Variants in COL24A1 observed in about 807,000 individuals in gnomAD.
COL24A1 encodes collagen type XXIV alpha 1 chain, also known as collagen alpha-1(XXIV) chain.
In COL24A1, 224 loss-of-function variants were observed where a neutral mutation model predicts 253.9. That is an observed-to-expected ratio of 0.88 (90% CI 0.79 to 0.99). The LOEUF (loss-of-function observed/expected upper bound fraction) is 0.99, where lower values mean the gene tolerates loss of function less well. COL24A1 is among the 50% of genes least tolerant of loss of function. The probability of loss-of-function intolerance (pLI) is 0.00; values close to 1 mark genes in which losing one functional copy is unlikely to be tolerated. For synonymous variants in COL24A1, 685 were observed against 673.7 expected (o/e 1.02, Z -0.26); for missense variants, 2,131 against 2,068.5 (o/e 1.03, Z -0.59).
chr1:86,153,334 T>C (rs1039540786), intron 1 of COL24A1, among the ~76,000 whole-genome samples: 2 of 152,228 alleles, frequency 1.3e-5, no homozygotes, highest in South Asian at 4.1e-4. Context: ...TGTGGATCTG[T>C]CATACTCAAT....
Position 85,889,563 on chromosome 1 carries a change from C to T in COL24A1, c.2973G>A (p.Glu991=). ...AAAAGTATAAAGATAAACTTACTGGCTCTCCTGGAAGTCCTCTGTCACCTG... is the reference window on the plus strand; with the variant it reads ...AAAAGTATAAAGATAAACTTACTGGTTCTCCTGGAAGTCCTCTGTCACCTG... ...GSTGDRGLPG[E]PGLRGLQGDV... is the part of the protein sequence containing the mutation. The change falls in exon 32 of 60, where the codon GAG becomes GAA. Residue 991 remains glutamate (E), a synonymous_variant. Transcript: ENST00000370571. 1 of 1,612,212 alleles carries T rather than the reference C, an allele frequency of 6.2e-7. No individual in the cohort carries two copies. The highest frequency in any genetic ancestry group is 1.7e-5 in the Admixed American group (1 of 59,866).
intron 6 of COL24A1, among the ~76,000 whole-genome samples, chr1:86,091,141 T>G (rs950780822): frequency 3.9e-5 from 6 of 152,116 alleles, no homozygotes; most frequent in Non-Finnish European, 7.4e-5. Flanking sequence ...ATACTATGTT[T>G]ATAGTAATAA....
At chr1:85,767,854 G>A (rs906450102) in intron 53 of COL24A1, among the ~76,000 whole-genome samples, 4 of 152,076 alleles carry the variant, frequency 2.6e-5, no homozygotes, top group Admixed American at 1.3e-4. Flanking sequence ...TAATTTTAGG[G>A]CATATTATTC....
At chr1:85,825,461 A>G (rs1328449851) in intron 43 of COL24A1, among the ~76,000 whole-genome samples, 1 of 152,196 alleles carries the variant, frequency 6.6e-6, no homozygotes, top group Admixed American at 6.5e-5. Flanking sequence ...GCTGGGTCAA[A>G]TGATATTTGT....
intron 47 of COL24A1, among the ~76,000 whole-genome samples, chr1:85,792,478 C>A: frequency 6.8e-6 from 1 of 146,778 alleles, no homozygotes; most frequent in African/African-American, 2.5e-5. Context: ...TACTTGAGCC[C>A]AGGAGTTTGA....
At chr1:85,929,731 A>G (rs1346242251) in intron 24 of COL24A1, among the ~76,000 whole-genome samples, 1 of 141,572 alleles carries the variant, frequency 7.1e-6, no homozygotes, top group Non-Finnish European at 1.5e-5. Flanking sequence ...ATAACAAACT[A>G]TCTCTCAGAC....
intron 37 of COL24A1, among the ~76,000 whole-genome samples, chr1:85,860,262 A>G (rs938256047): frequency 1.3e-5 from 2 of 152,196 alleles, no homozygotes; most frequent in African/African-American, 4.8e-5. Flanking sequence ...GATGATTTTT[A>G]GTATATTCAC....
chr1:86,125,213 C>A lies in COL24A1; in HGVS notation c.1123G>T (p.Asp375Tyr). Residue 375 changes from aspartate (D) to tyrosine (Y), a missense_variant, in exon 3 of 60, where the codon GAC becomes TAC. Physicochemically the swap from Asp to Tyr is radical, Grantham distance 160. Coordinates refer to ENST00000370571, the MANE Select transcript of COL24A1 (RefSeq NM_152890.7). Reference sequence around the variant, plus strand: ...CTATCATCATGTTGTGTGATATTGTCAGACATGTTTAGGAGAGAGCTAAAT... The same window carrying A: ...CTATCATCATGTTGTGTGATATTGTAAGACATGTTTAGGAGAGAGCTAAAT... ...EKFSSLLNMS[D>Y]NITQHDDRVT... The A allele has an allele frequency of 6.2e-7, 1 of 1,613,524 alleles. No individual in the cohort carries two copies. The highest frequency in any genetic ancestry group is 1.1e-5 in the South Asian group (1 of 91,044).
chr1:86,118,066 CTT>C (rs35013223), intron 3 of COL24A1, among the ~76,000 whole-genome samples: 1 of 146,858 alleles, frequency 6.8e-6, no homozygotes, highest in Non-Finnish European at 1.5e-5. Context: ...GTCTAATTAA[CTT>C]TTTTTTTTTT....
chr1:86,121,900 T>C (rs1172210703), intron 3 of COL24A1, among the ~76,000 whole-genome samples: 1 of 152,030 alleles, frequency 6.6e-6, no homozygotes, highest in Non-Finnish European at 1.5e-5. Flanking sequence ...CAGAACCTAA[T>C]AGGTTTAAAG....
At chr1:86,005,956 CAGCACCAACTGTATTAGTTGGTTATT>C (rs1375794767) in intron 19 of COL24A1, among the ~76,000 whole-genome samples, 10 of 152,118 alleles carry the variant, frequency 6.6e-5, no homozygotes, top group African/African-American at 1.4e-4. Context: ...AAACACAATA[CAGCACCAACTGTATTAGTTGGTTATT>C]AGCACCAACT....
intron 59 of COL24A1, 149 bp from the exon 60 acceptor site, chr1:85,730,841 A>T: frequency 1.3e-6 from 1 of 746,330 alleles, no homozygotes; most frequent in Non-Finnish European, 2.1e-6. Flanking sequence ...AAATGGTAAA[A>T]TTACTATTAT....
Position 85,937,032 on chromosome 1 carries a change from C to A in COL24A1, c.2562+24217G>T, listed in dbSNP as rs1688299930. 1.4e-5 allele frequency among the ~76,000 whole-genome samples: 2 copies of A among 147,520 alleles called. 1 individual carries two copies. The highest frequency in any genetic ancestry group is 5.0e-5 in the African/African-American group (2 of 40,208). On this transcript the variant is annotated intron_variant, in intron 24 of 59. Coordinates refer to ENST00000370571, the MANE Select transcript of COL24A1 (RefSeq NM_152890.7). ...TGAGCAACACAGAGGCACAAGCAGACTGCATAAGCAAGTTGTCCATATTCC... is the reference window on the plus strand; with the variant it reads ...TGAGCAACACAGAGGCACAAGCAGAATGCATAAGCAAGTTGTCCATATTCC...
At chr1:86,007,237 C>CCCACCA (rs901884782) in intron 19 of COL24A1, among the ~76,000 whole-genome samples, 1 of 151,208 alleles carries the variant, frequency 6.6e-6, no homozygotes, top group Non-Finnish European at 1.5e-5. Context: ...AACAAACAAA[C>CCCACCA]CCACCACCAC....
intron 2 of COL24A1, among the ~76,000 whole-genome samples, chr1:86,132,433 C>T (rs529588729): frequency 1.6e-4 from 24 of 152,190 alleles, no homozygotes; most frequent in Non-Finnish European, 2.9e-4. Flanking sequence ...GACATGAAGT[C>T]CTTGCCCATG....
At chr1:85,979,752 G>T (rs1306440022) in intron 20 of COL24A1, among the ~76,000 whole-genome samples, 1 of 149,132 alleles carries the variant, frequency 6.7e-6, no homozygotes, top group Admixed American at 6.7e-5. Context: ...AATTCTATCA[G>T]ACATTCAAAG....
At position 85,816,817 on chromosome 1, in the gene COL24A1, T is replaced by G; in HGVS notation, c.3922A>C (p.Ile1308Leu). 6.2e-7 allele frequency: 1 copy of G among 1,613,866 alleles called. No homozygotes were observed. The highest frequency in any genetic ancestry group is 1.1e-5 in the South Asian group (1 of 91,082). Residue 1308 changes from isoleucine (I) to leucine (L), a missense_variant, in exon 47 of 60, where the codon ATT becomes CTT. Coordinates refer to ENST00000370571, the MANE Select transcript of COL24A1 (RefSeq NM_152890.7). ...AGTCCCTGTTTTCCTGGTGGCCCAATTTTTCCAGGGTTTCCTGAAATGCCA... is the reference window on the plus strand; with the variant it reads ...AGTCCCTGTTTTCCTGGTGGCCCAAGTTTTCCAGGGTTTCCTGAAATGCCA... ...ADGISGNPGK[I>L]GPPGKQGLPG...
At chr1:86,077,758 C>T (rs1296137837) in intron 7 of COL24A1, among the ~76,000 whole-genome samples, 1 of 151,822 alleles carries the variant, frequency 6.6e-6, no homozygotes, top group African/African-American at 2.4e-5. Context: ...AAACACTGCA[C>T]GTTCTCACTC....
At chr1:86,117,109 C>A (rs760289002) in intron 3 of COL24A1, among the ~76,000 whole-genome samples, 5 of 152,174 alleles carry the variant, frequency 3.3e-5, no homozygotes, top group Admixed American at 2.0e-4. Flanking sequence ...TTAAAAATGT[C>A]TAGTTTGGTT....
Sources: gnomAD v4.1 joint callset for allele counts (sites outside exome capture counted in the v4.1 genomes callset) on GRCh38, gnomAD v4.1.1 for gene constraint, MANE v1.5 for transcripts, NCBI Gene and HGNC (gene_info 2026-07-23, HGNC 2026-07-21) for gene names.